The following ATP6V1H variants were observed in gnomAD, a reference collection of about 807,000 sequenced individuals.
ATP6V1H encodes V-type proton ATPase subunit H.
In ATP6V1H, 39 loss-of-function variants were observed where a neutral mutation model predicts 71.7. The ratio of observed to expected loss-of-function variants is 0.54; its 90% CI spans 0.42 to 0.71. ATP6V1H has a LOEUF of 0.71. Ranked by LOEUF, ATP6V1H falls within the 30% of genes least tolerant of loss-of-function variation. ATP6V1H has a pLI of 0.00. For missense variants in ATP6V1H, 509 were observed against 594.9 expected (o/e 0.86, Z 1.50); for synonymous variants, 192 against 199.3 (o/e 0.96, Z 0.31).
In ATP6V1H at chr8:53,758,719, A is replaced by G. The variant is rs147998047; in HGVS notation, c.1176-2063T>C. Among the ~76,000 whole-genome samples, 90 of 152,344 alleles carry G rather than the reference A, an allele frequency of 5.9e-4. 2 individuals are homozygous for G. The highest frequency in any genetic ancestry group is 2.0e-3 in the African/African-American group (85 of 41,582). Reference sequence around the variant, plus strand: ...CAGAATTTCGTTATTTAAGACTGACATTCTGAATACATCAAACCAGAAGTC... The same window carrying G: ...CAGAATTTCGTTATTTAAGACTGACGTTCTGAATACATCAAACCAGAAGTC... On this transcript the variant is annotated intron_variant, in intron 11 of 13. Transcript: ENST00000359530.
intron 7 of ATP6V1H, among the ~76,000 whole-genome samples, chr8:53,802,241 T>C (rs1487069475): frequency 6.6e-5 from 10 of 152,202 alleles, no homozygotes; most frequent in Non-Finnish European, 1.5e-4. Flanking sequence ...GTATAGAGAA[T>C]ACTGTTCCAC....
At chr8:53,728,384 T>C (rs772807267) in intron 13 of ATP6V1H, among the ~76,000 whole-genome samples, 1 of 152,194 alleles carries the variant, frequency 6.6e-6, no homozygotes, top group Non-Finnish European at 1.5e-5. Flanking sequence ...AGACTCAGTG[T>C]GAAAAAAATG....
At chr8:53,828,696 T>C (rs536685574) in intron 4 of ATP6V1H, among the ~76,000 whole-genome samples, 6 of 152,294 alleles carry the variant, frequency 3.9e-5, no homozygotes, top group African/African-American at 1.4e-4. Flanking sequence ...GCCCAACCTT[T>C]GTATTATCAA....
At position 53,772,185 on chromosome 8, in the gene ATP6V1H, A is replaced by T; in HGVS notation, c.871-18T>A. 1 of 1,584,582 alleles carries T rather than the reference A, an allele frequency of 6.3e-7. No individual in the cohort carries two copies. The highest frequency in any genetic ancestry group is 8.6e-7 in the Non-Finnish European group (1 of 1,160,822). Reference sequence around the variant, plus strand: ...AAAAAGTTCTGGGTTAGACAAAGTGATAGTGAGAAACTATACAATTTGTCA... The same window carrying T: ...AAAAAGTTCTGGGTTAGACAAAGTGTTAGTGAGAAACTATACAATTTGTCA... On this transcript the variant is annotated intron_variant, in intron 9 of 13. Transcript: ENST00000359530.
In ATP6V1H at chr8:53,745,373, G is replaced by A. The variant is rs997684112; in HGVS notation, c.1278-1683C>T. 5.5e-4 allele frequency among the ~76,000 whole-genome samples: 83 copies of A among 152,108 alleles called. 2 individuals are homozygous for A. The highest frequency in any genetic ancestry group is 1.9e-4 in the Non-Finnish European group (13 of 67,988). ...TGATTGCACCACTGCACTCCAGCTGGAGCAACAGGGTAAGACCCTGTTTCT... is the reference window on the plus strand; with the variant it reads ...TGATTGCACCACTGCACTCCAGCTGAAGCAACAGGGTAAGACCCTGTTTCT... On this transcript the variant is annotated intron_variant, in intron 12 of 13. Transcript: ENST00000359530.
At chr8:53,741,564 A>C (rs1273372828) in intron 13 of ATP6V1H, among the ~76,000 whole-genome samples, 1 of 152,222 alleles carries the variant, frequency 6.6e-6, no homozygotes, top group Non-Finnish European at 1.5e-5. Flanking sequence ...TTTAAATTAA[A>C]TTCCTGAAAG....
intron 9 of ATP6V1H, among the ~76,000 whole-genome samples, chr8:53,787,644 A>C (rs932042196): frequency 1.3e-5 from 2 of 152,206 alleles, no homozygotes; most frequent in Non-Finnish European, 2.9e-5. Context: ...CCCAGAAGAG[A>C]AATCAAATGC....
At chr8:53,822,348 T>C (rs899252910) in intron 4 of ATP6V1H, among the ~76,000 whole-genome samples, 2 of 151,944 alleles carry the variant, frequency 1.3e-5, no homozygotes, top group African/African-American at 2.4e-5. Context: ...TAATAATATA[T>C]AAATGTTATA....
chr8:53,784,799 C>T (rs545970961), intron 9 of ATP6V1H, among the ~76,000 whole-genome samples: 21 of 152,262 alleles, frequency 1.4e-4, no homozygotes, highest in African/African-American at 5.1e-4. Context: ...GCTTATGAAG[C>T]TTAGTTTGGC....
chr8:53,825,605 G>GT (rs1234648747), intron 4 of ATP6V1H, among the ~76,000 whole-genome samples: 25 of 152,130 alleles, frequency 1.6e-4, no homozygotes, highest in African/African-American at 5.8e-4. Context: ...AATAAATCTA[G>GT]TTATATAGGG....
At chr8:53,798,419 G>A (rs1265265299) in intron 8 of ATP6V1H, among the ~76,000 whole-genome samples, 1 of 152,088 alleles carries the variant, frequency 6.6e-6, no homozygotes, top group African/African-American at 2.4e-5. Flanking sequence ...AGCTACTCAG[G>A]AGGCTGAGGC....
rs55704937 is a variant in ATP6V1H at position 53,770,098 on chromosome 8, C to A, written c.1050-355G>T. On this transcript the variant is annotated intron_variant, in intron 10 of 13. Transcript: ENST00000359530. Reference sequence around the variant, plus strand: ...ATGACACTTGAAATACTGTATTTCCCAGACCAACAGGCAAAATAATATGTT... The same window carrying A: ...ATGACACTTGAAATACTGTATTTCCAAGACCAACAGGCAAAATAATATGTT... Among the ~76,000 whole-genome samples the A allele has an allele frequency of 2.1e-3, 319 of 152,088 alleles. 1 individual carries two copies. Among genetic ancestry groups the A allele is most frequent in the African/African-American group, 7.2e-3 (300 of 41,522 alleles).
intron 13 of ATP6V1H, among the ~76,000 whole-genome samples, chr8:53,717,234 C>A (rs891745636): frequency 1.3e-5 from 2 of 152,146 alleles, no homozygotes; most frequent in Non-Finnish European, 1.5e-5. Flanking sequence ...CCGCCTAGGC[C>A]AAAGCAGCAA....
chr8:53,836,705 C>T (rs1811169294), intron 2 of ATP6V1H, among the ~76,000 whole-genome samples: 1 of 152,138 alleles, frequency 6.6e-6, no homozygotes, highest in Admixed American at 6.5e-5. Flanking sequence ...TCATATTATT[C>T]CCTTGGACTG....
In ATP6V1H at chr8:53,827,204, G is replaced by A. The variant is rs1447098160; in HGVS notation, c.306+2240C>T. Among the ~76,000 whole-genome samples, 13 of 151,908 alleles carry A rather than the reference G, an allele frequency of 8.6e-5. No individual in the cohort carries two copies. The East Asian group carries it at 2.5e-3, about 29-fold the overall frequency. ...TTGAGACCAGCCTGGCCAACATGGT[G>A]AAACCTCGTCTCTACTAAAAACACA... is the stretch of plus-strand genomic sequence containing the variant. On this transcript the variant is annotated intron_variant, in intron 4 of 13. Coordinates refer to ENST00000359530, the MANE Select transcript of ATP6V1H (RefSeq NM_015941.4).
At chr8:53,741,124 A>C (rs1442342994) in intron 13 of ATP6V1H, among the ~76,000 whole-genome samples, 8 of 152,232 alleles carry the variant, frequency 5.3e-5, no homozygotes, top group Admixed American at 4.6e-4. Context: ...ATTTCCCTGT[A>C]AAGACAGAAT....
intron 11 of ATP6V1H, among the ~76,000 whole-genome samples, chr8:53,764,381 G>A (rs1297035771): frequency 6.6e-6 from 1 of 152,072 alleles, no homozygotes; most frequent in Non-Finnish European, 1.5e-5. Context: ...TAATATTTGA[G>A]AATCAATTAA....
intron 13 of ATP6V1H, among the ~76,000 whole-genome samples, chr8:53,726,270 C>T (rs576034796): frequency 1.1e-4 from 17 of 152,198 alleles, no homozygotes; most frequent in Non-Finnish European, 2.1e-4. Flanking sequence ...GACATAATGG[C>T]AAAATAATTT....
intron 13 of ATP6V1H, among the ~76,000 whole-genome samples, chr8:53,731,330 A>C (rs1807014007): frequency 1.3e-5 from 2 of 152,182 alleles, no homozygotes; most frequent in Admixed American, 1.3e-4. Flanking sequence ...TCAGAAAAAG[A>C]AAGAGGAAGT....
Sources: allele counts gnomAD v4.1 joint callset (sites outside exome capture counted in the v4.1 genomes callset), GRCh38; gene constraint gnomAD v4.1.1; transcripts MANE v1.5; gene names NCBI Gene and HGNC (gene_info 2026-07-23, HGNC 2026-07-21).